The following SYT9 variants were observed in gnomAD, a reference collection of about 807,000 sequenced individuals.
The protein encoded by SYT9 is synaptotagmin-9.
Under a neutral mutation model 48.4 loss-of-function variants are expected in SYT9, and 22 were observed. The observed-to-expected ratio is 0.45, with a 90% CI of 0.32 to 0.65. The LOEUF (loss-of-function observed/expected upper bound fraction) is 0.65, where lower values mean the gene tolerates loss of function less well. SYT9 is among the 30% of genes least tolerant of loss of function. The pLI is 0.03. For missense variants in SYT9, 577 were observed against 622.0 expected, an observed-to-expected ratio of 0.93 and a Z score of 0.77; for synonymous variants, 265 against 245.0, an observed-to-expected ratio of 1.08 and a Z score of -0.76.
chr11:7,406,657 C>G (rs1437207477), intron 3 of SYT9, among the ~76,000 whole-genome samples: 2 of 151,410 alleles, frequency 1.3e-5, no homozygotes, highest in East Asian at 1.9e-4. Flanking sequence ...AGTAAACATG[C>G]AAGTGCAGGT....
At chr11:7,433,757 C>T (rs1244369548) in intron 6 of SYT9, among the ~76,000 whole-genome samples, 2 of 152,166 alleles carry the variant, frequency 1.3e-5, no homozygotes, top group African/African-American at 4.8e-5. Context: ...TAGCACTCAC[C>T]AGACACCAAA....
At position 7,466,981 on chromosome 11, in the gene SYT9, C is replaced by A; in HGVS notation, c.*181C>A. On this transcript the variant is annotated 3_prime_UTR_variant, in exon 7 of 7. Transcript: ENST00000318881. ...GGTTTGGTGAACCTGAATGGTCCAG[C>A]CACCTTCTGCAGGTGGCCCAAGGTG... is the stretch of plus-strand genomic sequence containing the variant. The A allele has an allele frequency of 1.4e-6, 1 of 702,690 alleles. No homozygotes were observed. The allele number at this position is 702,690 out of a possible 1,614,324, so 43.5% of individuals were successfully genotyped here.
chr11:7,355,758 CA>C (rs1850009907), intron 3 of SYT9, among the ~76,000 whole-genome samples: 1 of 152,214 alleles, frequency 6.6e-6, no homozygotes, highest in Non-Finnish European at 1.5e-5. Context: ...GAAGTCTTAT[CA>C]AGGTTAAGTG....
At chr11:7,336,580 C>T (rs1232812045) in intron 3 of SYT9, among the ~76,000 whole-genome samples, 1 of 152,152 alleles carries the variant, frequency 6.6e-6, no homozygotes, top group Admixed American at 6.5e-5. Context: ...ATCCCAGCAC[C>T]ATTTATTGAA....
rs1167914546 is a variant in SYT9, at chr11:7,409,017, G to A, written c.1045-7025G>A. Among the ~76,000 whole-genome samples the A allele has an allele frequency of 5.9e-5, 9 of 152,132 alleles. No individual in the cohort carries two copies. In the South Asian group the frequency reaches 1.9e-3, roughly 31 times the overall value. On this transcript the variant is annotated intron_variant, in intron 3 of 6. Coordinates refer to ENST00000318881, the MANE Select transcript of SYT9 (RefSeq NM_175733.4). ...GTAGTAGTGTTCATACTAACATTCAGTATGATGTTATCTGTGGGTTTGTCA... is the reference window on the plus strand; with the variant it reads ...GTAGTAGTGTTCATACTAACATTCAATATGATGTTATCTGTGGGTTTGTCA...
chr11:7,454,034 C>T, intron 6 of SYT9: 2 of 985,418 alleles, frequency 2.0e-6, no homozygotes, highest in Non-Finnish European at 2.4e-6. Context: ...GAGGGCTCAG[C>T]TTCCCCACAG....
At chr11:7,446,603 G>C (rs75987579) in intron 6 of SYT9, among the ~76,000 whole-genome samples, 3,660 of 152,244 alleles carry the variant, frequency 0.024, 125 homozygotes, top group African/African-American at 0.081. Context: ...TTTTAGGAAC[G>C]TAGATCCTAG....
intron 1 of SYT9, among the ~76,000 whole-genome samples, chr11:7,267,708 A>C (rs1415214698): frequency 1.3e-5 from 2 of 151,994 alleles, no homozygotes; most frequent in Non-Finnish European, 2.9e-5. Flanking sequence ...AGAGAAAAAA[A>C]AATAAGAGCA....
chr11:7,290,768 G>T (rs1848684826), intron 1 of SYT9, among the ~76,000 whole-genome samples: 1 of 152,162 alleles, frequency 6.6e-6, no homozygotes, highest in Admixed American at 6.5e-5. Context: ...GAGAATATGA[G>T]ATCTGGAAGC....
intron 1 of SYT9, among the ~76,000 whole-genome samples, chr11:7,271,774 C>T (rs575016358): frequency 1.1e-4 from 16 of 152,106 alleles, no homozygotes; most frequent in South Asian, 2.1e-4. Flanking sequence ...GGTGGGGTTT[C>T]GCCGTGTTAG....
chr11:7,447,991 G>T (rs193120798), intron 6 of SYT9, among the ~76,000 whole-genome samples: 1 of 152,302 alleles, frequency 6.6e-6, no homozygotes, highest in African/African-American at 2.4e-5. Flanking sequence ...AAGATTGCAC[G>T]TTCAAATGTC....
chr11:7,360,648 C>T (rs1390598673), intron 3 of SYT9, among the ~76,000 whole-genome samples: 2 of 152,108 alleles, frequency 1.3e-5, no homozygotes, highest in Non-Finnish European at 2.9e-5. Flanking sequence ...ATTTGGCTCT[C>T]ATTTCTTCAG....
chr11:7,257,106 A>C (rs1178120603), intron 1 of SYT9, among the ~76,000 whole-genome samples: 1 of 152,194 alleles, frequency 6.6e-6, no homozygotes, highest in Non-Finnish European at 1.5e-5. Flanking sequence ...AAGTTCATCT[A>C]TTGATTCTAA....
intron 3 of SYT9, among the ~76,000 whole-genome samples, chr11:7,407,010 C>G (rs1161081971): frequency 3.3e-5 from 5 of 151,996 alleles, no homozygotes; most frequent in Non-Finnish European, 7.4e-5. Context: ...TGATAAATAT[C>G]TATTCATGTC....
chr11:7,431,595 C>A (rs1286747765), intron 6 of SYT9, among the ~76,000 whole-genome samples: 1 of 152,220 alleles, frequency 6.6e-6, no homozygotes, highest in African/African-American at 2.4e-5. Flanking sequence ...ACCTTGGCAG[C>A]AGCCCCTCTC....
At chr11:7,444,604 T>C (rs888808788) in intron 6 of SYT9, 2 of 152,148 alleles carry the variant, frequency 1.3e-5, no homozygotes, top group African/African-American at 2.4e-5. Flanking sequence ...GGCACTGAAG[T>C]TTGTTTTCAG....
At chr11:7,357,545 G>A in intron 3 of SYT9, among the ~76,000 whole-genome samples, 1 of 152,084 alleles carries the variant, frequency 6.6e-6, no homozygotes, top group East Asian at 1.9e-4. Flanking sequence ...AAAGCAGTGT[G>A]AAGTAAGCTT....
chr11:7,294,674 G>T (rs1290465104), intron 1 of SYT9, among the ~76,000 whole-genome samples: 1 of 152,190 alleles, frequency 6.6e-6, no homozygotes, highest in African/African-American at 2.4e-5. Context: ...CTGCCCCCCA[G>T]GCTCACTGGG....
At chr11:7,375,021 A>T (rs925874460) in intron 3 of SYT9, among the ~76,000 whole-genome samples, 8 of 152,120 alleles carry the variant, frequency 5.3e-5, no homozygotes, top group South Asian at 4.1e-4. Flanking sequence ...ATTATTGCCT[A>T]GGTTTCCTTT....
Sources: gnomAD v4.1 joint callset for allele counts (sites outside exome capture counted in the v4.1 genomes callset) on GRCh38, gnomAD v4.1.1 for gene constraint, MANE v1.5 for transcripts, NCBI Gene and HGNC (gene_info 2026-07-23, HGNC 2026-07-21) for gene names.